Variants in PVT1 observed in about 807,000 individuals in gnomAD.
PVT1 encodes the protein Pvt1 oncogene.
rs1399657173 is a variant in PVT1 at position 127,911,362 on chromosome 8, T to C, written n.782+20364T>C. 2.0e-5 allele frequency among the ~76,000 whole-genome samples: 3 copies of C among 152,216 alleles called. No individual in the cohort carries two copies. The South Asian group carries it at 6.2e-4, about 31-fold the overall frequency. On this transcript the variant is annotated intron_variant and non_coding_transcript_variant, in intron 3 of 10. Coordinates refer to ENST00000651587, the Ensembl canonical transcript of PVT1. ...AGATACCGCAAGGGGAGTGCTCCTG[T>C]GTGCAGTTGCTCTGACCTGCACAGC... is the stretch of plus-strand genomic sequence containing the variant.
chr8:127,814,282 A>T (rs1428832102), intron 2 of PVT1, among the ~76,000 whole-genome samples: 1 of 152,134 alleles, frequency 6.6e-6, no homozygotes, highest in African/African-American at 2.4e-5. Flanking sequence ...AGGTGGAGAC[A>T]CCTGGGCCAT....
chr8:127,907,556 G>T (rs1169341740), intron 3 of PVT1, among the ~76,000 whole-genome samples: 1 of 152,198 alleles, frequency 6.6e-6, no homozygotes, highest in East Asian at 1.9e-4. Context: ...GGCTGGCTGG[G>T]GTGCATGCTG....
At chr8:127,863,915 G>A (rs970642662) in intron 2 of PVT1, among the ~76,000 whole-genome samples, 1 of 152,198 alleles carries the variant, frequency 6.6e-6, no homozygotes, top group Non-Finnish European at 1.5e-5. Context: ...GAGGTGCCAG[G>A]CCTTTGCCCC....
chr8:127,995,455 C>T (rs1817093565), intron 4 of PVT1, among the ~76,000 whole-genome samples: 1 of 152,194 alleles, frequency 6.6e-6, no homozygotes, highest in African/African-American at 2.4e-5. Context: ...TTTTAAGATA[C>T]ACCCCCCACA....
chr8:127,900,679 G>A (rs547250406), intron 3 of PVT1, among the ~76,000 whole-genome samples: 1 of 152,290 alleles, frequency 6.6e-6, no homozygotes, highest in South Asian at 2.1e-4. Flanking sequence ...TTTTGCTTTT[G>A]TAAACAATGC....
At chr8:127,812,276 A>AAGGAAGGAAGGAAGGCAGGAAGGC (rs1814606613) in intron 2 of PVT1, among the ~76,000 whole-genome samples, 1 of 149,906 alleles carries the variant, frequency 6.7e-6, no homozygotes, top group African/African-American at 2.5e-5. Flanking sequence ...GGAAGGAAGG[A>AAGGAAGGAAGGAAGGCAGGAAGGC]AGGAAGGAAG....
intron 4 of PVT1, among the ~76,000 whole-genome samples, chr8:127,998,916 T>C (rs1159986670): frequency 6.7e-6 from 1 of 149,668 alleles, no homozygotes; most frequent in Non-Finnish European, 1.5e-5. Flanking sequence ...TATAAGATGC[T>C]TAGGGCTTAT....
intron 4 of PVT1, among the ~76,000 whole-genome samples, chr8:128,023,201 C>T (rs1037945223): frequency 6.6e-6 from 1 of 152,150 alleles, no homozygotes; most frequent in Non-Finnish European, 1.5e-5. Flanking sequence ...TTTCCATTTC[C>T]ACTGTTGAAT....
At chr8:127,795,735 TATAAG>T (rs1221144068) in intron 1 of PVT1, 15 of 152,668 alleles carry the variant, frequency 9.8e-5, no homozygotes, top group Non-Finnish European at 1.8e-4. Context: ...TGTTGTCTGT[TATAAG>T]ATGTTTCAGA....
At chr8:127,806,670 A>G (rs142914209) in intron 2 of PVT1, among the ~76,000 whole-genome samples, 122 of 152,320 alleles carry the variant, frequency 8.0e-4, no homozygotes, top group African/African-American at 2.8e-3. Flanking sequence ...TCGTTCACCC[A>G]GATTCCCTCC....
At chr8:127,849,084 T>C (rs955076785) in intron 2 of PVT1, among the ~76,000 whole-genome samples, 1 of 152,174 alleles carries the variant, frequency 6.6e-6, no homozygotes, top group East Asian at 1.9e-4. Flanking sequence ...GGGTGGCTGC[T>C]GAGAGCCTTA....
Position 128,051,660 on chromosome 8 carries a change from A to G in PVT1, n.913-18500A>G, listed in dbSNP as rs2648864. On this transcript the variant is annotated intron_variant and non_coding_transcript_variant, in intron 4 of 10. Coordinates refer to ENST00000651587, the Ensembl canonical transcript of PVT1. ...TTTTTTCTTTTTATTCTTCTGACTA[A>G]TTTCAAATGGCCTGTCTTTGACCTC... 7.4e-4 allele frequency among the ~76,000 whole-genome samples: 112 copies of G among 151,958 alleles called. 1 individual carries two copies. The East Asian group carries it at 0.021, about 28-fold the overall frequency.
intron 2 of PVT1, among the ~76,000 whole-genome samples, chr8:127,864,478 AC>A (rs1011981317): frequency 5.3e-5 from 8 of 151,410 alleles, no homozygotes; most frequent in Admixed American, 2.0e-4. Context: ...TTTCTCTCCC[AC>A]CCCTCGCTCC....
chr8:128,073,755 C>T (rs1215003649), intron 5 of PVT1, among the ~76,000 whole-genome samples: 1 of 151,972 alleles, frequency 6.6e-6, no homozygotes, highest in Non-Finnish European at 1.5e-5. Context: ...CACATTTGAC[C>T]TTCCTGACCA....
chr8:127,860,192 CTGGTGGCGGAGG>C (rs1815205668), intron 2 of PVT1, among the ~76,000 whole-genome samples: 1 of 152,174 alleles, frequency 6.6e-6, no homozygotes, highest in African/African-American at 2.4e-5. Flanking sequence ...GGAGCAGGTC[CTGGTGGCGGAGG>C]TGCTGGCGCA....
At chr8:127,931,416 CTA>C (rs1816204948) in intron 3 of PVT1, among the ~76,000 whole-genome samples, 1 of 152,174 alleles carries the variant, frequency 6.6e-6, no homozygotes, top group South Asian at 2.1e-4. Context: ...GGTGGGGGCA[CTA>C]TGTTTATCTC....
intron 3 of PVT1, among the ~76,000 whole-genome samples, chr8:127,926,881 G>A (rs1816136426): frequency 1.3e-5 from 2 of 152,164 alleles, no homozygotes; most frequent in Non-Finnish European, 2.9e-5. Context: ...TGTTTGGTTG[G>A]TTTTGATTTC....
intron 2 of PVT1, among the ~76,000 whole-genome samples, chr8:127,825,090 G>T (rs7813776): frequency 0.67 from 97,156 of 143,988 alleles, 33,924 homozygotes; most frequent in African/African-American, 0.87. Flanking sequence ...CTGCACTTCA[G>T]CCTGGGTAAC....
intron 4 of PVT1, among the ~76,000 whole-genome samples, chr8:128,043,408 T>C (rs896570142): frequency 3.9e-5 from 6 of 152,128 alleles, no homozygotes; most frequent in Non-Finnish European, 8.8e-5. Flanking sequence ...TTGTTTTGTT[T>C]TGAAATCAGT....
Sources: allele counts gnomAD v4.1 joint callset (sites outside exome capture counted in the v4.1 genomes callset), GRCh38; gene constraint gnomAD v4.1.1; transcripts MANE v1.5; gene names NCBI Gene and HGNC (gene_info 2026-07-23, HGNC 2026-07-21).